Variants in ELOVL2 observed in about 807,000 individuals in gnomAD.
ELOVL2 encodes very long chain fatty acid elongase 2.
ELOVL2 carries 38 observed loss-of-function variants against 37.7 expected under a neutral mutation model. The observed-to-expected ratio is 1.01, with a 90% CI of 0.78 to 1.32. ELOVL2 has a LOEUF of 1.32. Among genes scored for constraint, ELOVL2 ranks in the 40% most tolerant of loss-of-function variants. The probability of loss-of-function intolerance (pLI) is 0.00; values close to 1 mark genes in which losing one functional copy is unlikely to be tolerated. For missense variants in ELOVL2, 352 were observed against 363.6 expected (o/e 0.97, Z 0.26); for synonymous variants, 115 against 122.3 (o/e 0.94, Z 0.40).
At chr6:10,992,467 A>G (rs1462629500) in intron 5 of ELOVL2, among the ~76,000 whole-genome samples, 2 of 152,242 alleles carry the variant, frequency 1.3e-5, no homozygotes, top group Admixed American at 6.5e-5. Context: ...GGTGAAGTCA[A>G]TGCAGTGAGA....
intron 7 of ELOVL2, among the ~76,000 whole-genome samples, chr6:10,984,245 T>A (rs1781999150): frequency 6.6e-6 from 1 of 152,170 alleles, no homozygotes; most frequent in African/African-American, 2.4e-5. Context: ...CTTGAACTCC[T>A]GACCTCAGAT....
chr6:10,999,096 A>T (rs764964851), intron 4 of ELOVL2, among the ~76,000 whole-genome samples: 54 of 152,246 alleles, frequency 3.5e-4, no homozygotes, highest in Non-Finnish European at 6.2e-4. Flanking sequence ...CTATTAAGAT[A>T]TATCTCACTA....
chr6:11,043,474 A>ACACACACACACACACAACC (rs1783141232), intron 1 of ELOVL2: 1 of 153,342 alleles, frequency 6.5e-6, no homozygotes, highest in Non-Finnish European at 1.4e-5. Context: ...GTGAACACAC[A>ACACACACACACACACAACC]CACACACACA....
chr6:10,998,961 C>A (rs1440176397), intron 4 of ELOVL2, among the ~76,000 whole-genome samples: 2 of 151,206 alleles, frequency 1.3e-5, no homozygotes, highest in East Asian at 3.9e-4. Flanking sequence ...TCTTTTTTTC[C>A]ATGTTTCAAA....
chr6:10,995,800 A>G (rs1480846470), intron 4 of ELOVL2, among the ~76,000 whole-genome samples: 1 of 152,218 alleles, frequency 6.6e-6, no homozygotes, highest in African/African-American at 2.4e-5. Flanking sequence ...CAAATCACTC[A>G]AAGGCAGAAA....
rs772237841 is a variant in ELOVL2, at chr6:11,044,267, C to G, written c.-37G>C. 7.6e-7 allele frequency: 1 copy of G among 1,319,602 alleles called. No individual in the cohort carries two copies. The highest frequency in any genetic ancestry group is 9.6e-7 in the Non-Finnish European group (1 of 1,036,834). 81.7% of individuals were successfully genotyped at this position (1,319,602 alleles called of 1,614,324 possible). A position where few individuals can be genotyped will look rare whatever the true frequency, so the allele number is the denominator to read the frequency against. On this transcript the variant is annotated 5_prime_UTR_variant, in exon 1 of 8. Transcript: ENST00000354666. The surrounding 1 kb of genome is among the most constrained non-coding windows in gnomAD (Gnocchi z 5.6). ...GCTGTGGCGCGGCGACCCGGGCGGG[C>G]GGCGATGCGCTGTCCAGGGTAGCCG... is the stretch of plus-strand genomic sequence containing the variant.
intron 1 of ELOVL2, among the ~76,000 whole-genome samples, chr6:11,036,546 G>A (rs543923191): frequency 3.9e-5 from 6 of 152,268 alleles, no homozygotes; most frequent in South Asian, 2.1e-4. Flanking sequence ...GCGTTGCCCC[G>A]GAGGAAAGCA....
chr6:11,005,343 A>G (rs976332511), intron 3 of ELOVL2, 29 bp downstream of exon 3: 13 of 1,590,834 alleles, frequency 8.2e-6, no homozygotes, highest in Non-Finnish European at 1.0e-5. Flanking sequence ...TAGTTACTGG[A>G]CTTCAGCTTT....
intron 4 of ELOVL2, among the ~76,000 whole-genome samples, chr6:10,995,915 T>C (rs1561715544): frequency 1.3e-5 from 2 of 152,224 alleles, no homozygotes; most frequent in African/African-American, 2.4e-5. Context: ...TATATGTTTT[T>C]TGTCTCTTAG....
chr6:10,985,286 G>A (rs1782027414), intron 7 of ELOVL2, among the ~76,000 whole-genome samples: 1 of 151,756 alleles, frequency 6.6e-6, no homozygotes, highest in African/African-American at 2.4e-5. Flanking sequence ...AGTAGGTTGT[G>A]AAAATTTTCT....
chr6:11,021,782 G>C (rs529050667), intron 1 of ELOVL2, among the ~76,000 whole-genome samples: 1 of 152,070 alleles, frequency 6.6e-6, no homozygotes, highest in East Asian at 1.9e-4. Flanking sequence ...GTGTGCATTC[G>C]TTCATCTGTT....
At chr6:11,026,993 T>A (rs1782846838) in intron 1 of ELOVL2, among the ~76,000 whole-genome samples, 1 of 152,234 alleles carries the variant, frequency 6.6e-6, no homozygotes, top group African/African-American at 2.4e-5. Context: ...TATCATTTTT[T>A]TGTAGTGAGA....
At position 11,005,420 on chromosome 6, in the gene ELOVL2, G is replaced by A; in HGVS notation, c.207C>T (p.Thr69=). 1 of 1,614,072 alleles carries A rather than the reference G, an allele frequency of 6.2e-7. No homozygotes were observed. Among genetic ancestry groups the A allele is most frequent in the Non-Finnish European group, 8.5e-7 (1 of 1,179,988 alleles). Reference sequence around the variant, plus strand: ...GAAGTGTGATTCCAAGATTATACAAGGTGAGGATACCCCTGAGAGAAAGAG... The same window carrying A: ...GAAGTGTGATTCCAAGATTATACAAAGTGAGGATACCCCTGAGAGAAAGAG... ...RPALSLRGIL[T]LYNLGITLLS... The change falls in exon 3 of 8, where the codon ACC becomes ACT. Residue 69 remains threonine (T), a synonymous_variant. Transcript: ENST00000354666.
intron 7 of ELOVL2, among the ~76,000 whole-genome samples, chr6:10,984,407 T>C (rs1782004472): frequency 1.3e-5 from 2 of 152,104 alleles, no homozygotes; most frequent in African/African-American, 4.8e-5. Context: ...ATGTGCACAA[T>C]GTGCAGGTTA....
At chr6:11,030,560 C>T (rs1193744872) in intron 1 of ELOVL2, among the ~76,000 whole-genome samples, 4 of 152,058 alleles carry the variant, frequency 2.6e-5, no homozygotes, top group Non-Finnish European at 4.4e-5. Context: ...GGCTTGATCT[C>T]GGCTCACTGC....
At chr6:10,994,109 G>A (rs549904092) in intron 5 of ELOVL2, among the ~76,000 whole-genome samples, 91 of 151,834 alleles carry the variant, frequency 6.0e-4, no homozygotes, top group African/African-American at 2.0e-3. Flanking sequence ...GCTGCGGTGA[G>A]CTATGACTAC....
At chr6:11,039,402 T>C (rs906792013) in intron 1 of ELOVL2, among the ~76,000 whole-genome samples, 3 of 152,188 alleles carry the variant, frequency 2.0e-5, no homozygotes, top group African/African-American at 7.2e-5. Context: ...GTGGTGGTGA[T>C]TGTGATTATT....
chr6:11,030,172 C>T (rs1782900280), intron 1 of ELOVL2, among the ~76,000 whole-genome samples: 1 of 152,162 alleles, frequency 6.6e-6, no homozygotes, highest in South Asian at 2.1e-4. Flanking sequence ...TCTATTAATA[C>T]AACTTGTCCT....
At chr6:11,001,545 A>G (rs906339657) in intron 3 of ELOVL2, among the ~76,000 whole-genome samples, 1 of 152,208 alleles carries the variant, frequency 6.6e-6, no homozygotes, top group African/African-American at 2.4e-5. Flanking sequence ...AAAAACCTCT[A>G]TGGTCAGGTT....
Sources: allele counts gnomAD v4.1 joint callset (sites outside exome capture counted in the v4.1 genomes callset), GRCh38; gene constraint gnomAD v4.1.1; non-coding constraint Gnocchi (gnomAD v3.1); transcripts MANE v1.5; gene names NCBI Gene and HGNC (gene_info 2026-07-23, HGNC 2026-07-21).